CPEB3: variants seen among roughly 807,000 people sequenced by gnomAD.
CPEB3 encodes the protein cytoplasmic polyadenylation element binding protein 3.
In CPEB3, 20 loss-of-function variants were observed where a neutral mutation model predicts 67.2. The ratio of observed to expected loss-of-function variants is 0.30; its 90% CI spans 0.21 to 0.43. The LOEUF is 0.43. CPEB3 is among the 20% of genes least tolerant of loss of function. CPEB3 has a pLI of 1.00. For missense variants in CPEB3, 746 were observed against 968.6 expected (o/e 0.77, Z 3.05); for synonymous variants, 376 against 393.1 (o/e 0.96, Z 0.51).
In CPEB3 at chr10:92,267,306, AC is replaced by A. The variant is rs202130111; in HGVS notation, c.-12+23619del. 2.3e-3 allele frequency among the ~76,000 whole-genome samples: 349 copies of A among 152,236 alleles called. 1 individual carries two copies. Among genetic ancestry groups the A allele is most frequent in the East Asian group, 0.023 (118 of 5,186 alleles). Reference sequence around the variant, plus strand: ...TTTACAACCCTTTAAAAATATAAAAACCATTCTTAGTTTTGGCAGTATAAAA... The same window carrying A: ...TTTACAACCCTTTAAAAATATAAAAACATTCTTAGTTTTGGCAGTATAAAA... On this transcript the variant is annotated intron_variant, in intron 1 of 9. Coordinates refer to ENST00000265997, the MANE Select transcript of CPEB3 (RefSeq NM_014912.5).
At chr10:92,190,095 T>C (rs1157930454) in intron 3 of CPEB3, among the ~76,000 whole-genome samples, 2 of 151,830 alleles carry the variant, frequency 1.3e-5, no homozygotes, top group African/African-American at 2.4e-5. Flanking sequence ...CTGGCCAACA[T>C]GGTGACACCC....
chr10:92,133,709 C>CA (rs1193233072), intron 6 of CPEB3, among the ~76,000 whole-genome samples: 5 of 151,948 alleles, frequency 3.3e-5, no homozygotes, highest in Admixed American at 6.6e-5. Flanking sequence ...AGAGACACAA[C>CA]AAAAAAAGAG....
chr10:92,216,594 T>A, intron 2 of CPEB3: 1 of 1,610,526 alleles, frequency 6.2e-7, no homozygotes. Context: ...ACACTGCCCA[T>A]TGAGGTATAC....
At chr10:92,097,304 T>C (rs1328615366) in intron 7 of CPEB3, among the ~76,000 whole-genome samples, 1 of 152,226 alleles carries the variant, frequency 6.6e-6, no homozygotes. Context: ...GCGGACCAGA[T>C]CTATGCCATG....
chr10:92,204,020 G>T (rs1202967179), intron 2 of CPEB3, among the ~76,000 whole-genome samples: 1 of 152,068 alleles, frequency 6.6e-6, no homozygotes, highest in East Asian at 1.9e-4. Context: ...TGCTTCTGAT[G>T]AGTTGTTTTT....
In CPEB3 at chr10:92,239,847, C is replaced by T. The variant is rs373918938; in HGVS notation, c.504G>A (p.Pro168=). ...GTGCCGGCTGCGGCGCGGGCGCAGG[C>T]GGCGGCGGCTGCTGGTGGTGCTGGG... is the stretch of plus-strand genomic sequence containing the variant. ...AQTQHHQQPP[P]PAPAPQPAQP... is the part of the protein sequence containing the mutation. The change falls in exon 2 of 10, where the codon CCG becomes CCA. Residue 168 remains proline, a synonymous_variant. Coordinates refer to ENST00000265997, the MANE Select transcript of CPEB3 (RefSeq NM_014912.5). This position sits in a 1 kb window ranked among gnomAD's most constrained non-coding sequence, Gnocchi z 6.0. 58 of 1,504,902 alleles carry T rather than the reference C, an allele frequency of 3.9e-5. 2 individuals are homozygous for T. In the African/African-American group the frequency reaches 5.7e-4, roughly 15 times the overall value. 93.2% of individuals were successfully genotyped at this position (1,504,902 alleles called of 1,614,324 possible). A position where few individuals can be genotyped will look rare whatever the true frequency, so the allele number is the denominator to read the frequency against.
chr10:92,103,246 C>G (rs1213546196), intron 7 of CPEB3, among the ~76,000 whole-genome samples: 2 of 152,214 alleles, frequency 1.3e-5, no homozygotes, highest in African/African-American at 4.8e-5. Context: ...TCAGAATTAT[C>G]TAGTGTTCAT....
At chr10:92,266,409 G>A (rs566286191) in intron 1 of CPEB3, among the ~76,000 whole-genome samples, 3 of 152,176 alleles carry the variant, frequency 2.0e-5, no homozygotes, top group South Asian at 2.1e-4. Context: ...CAGTTTGCAC[G>A]GTTGGTCCTC....
chr10:92,229,585 C>A (rs552920568), intron 2 of CPEB3, among the ~76,000 whole-genome samples: 1 of 151,768 alleles, frequency 6.6e-6, no homozygotes, highest in African/African-American at 2.4e-5. Context: ...ACTCTGCTTA[C>A]TTCTTGGCAT....
rs1294501874 is a variant in CPEB3 at position 92,278,601 on chromosome 10, C to CTTTT, written c.-12+12321_-12+12324dup. Among the ~76,000 whole-genome samples the CTTTT allele has an allele frequency of 1.9e-3, 243 of 129,194 alleles. 1 individual carries two copies. The highest frequency in any genetic ancestry group is 6.7e-3 in the African/African-American group (232 of 34,490). The allele number at this position is 129,194 out of a possible 152,430, so 84.8% of individuals were successfully genotyped here. The stretch of plus-strand genomic sequence containing the variant: ...ACTTTGCTGAACTCATTGACTGGTT[C>CTTTT]TTTTTTTTTTTTTTTTTTGAGACAG... On this transcript the variant is annotated intron_variant, in intron 1 of 9. Coordinates refer to ENST00000265997, the MANE Select transcript of CPEB3 (RefSeq NM_014912.5).
intron 2 of CPEB3, among the ~76,000 whole-genome samples, chr10:92,220,667 A>C (rs1850654491): frequency 6.6e-6 from 1 of 152,112 alleles, no homozygotes; most frequent in African/African-American, 2.4e-5. Context: ...CATCATGCTG[A>C]AAAAGAGTTT....
intron 4 of CPEB3, among the ~76,000 whole-genome samples, chr10:92,173,423 C>T (rs1463963088): frequency 6.6e-6 from 1 of 152,022 alleles, no homozygotes; most frequent in African/African-American, 2.4e-5. Context: ...CAATATCAGG[C>T]CATGTAAACT....
At chr10:92,202,648 A>AT (rs1403848341) in intron 2 of CPEB3, among the ~76,000 whole-genome samples, 6 of 151,924 alleles carry the variant, frequency 3.9e-5, no homozygotes, top group Admixed American at 1.3e-4. Flanking sequence ...TTTCATTTAT[A>AT]TGTAAGGTCC....
intron 6 of CPEB3, among the ~76,000 whole-genome samples, chr10:92,129,317 C>A (rs1467433969): frequency 2.6e-5 from 4 of 152,044 alleles, no homozygotes; most frequent in South Asian, 4.2e-4. Flanking sequence ...AGGGGAACAA[C>A]AGACACAATA....
In CPEB3 at chr10:92,224,875, T is replaced by TTA. The variant is rs1388473023; in HGVS notation, c.1005+14469_1005+14470dup. 3.2e-3 allele frequency among the ~76,000 whole-genome samples: 467 copies of TTA among 147,520 alleles called. 1 individual carries two copies. The highest frequency in any genetic ancestry group is 5.5e-3 in the Non-Finnish European group (368 of 67,072). On this transcript the variant is annotated intron_variant, in intron 2 of 9. Transcript: ENST00000265997. ...TAAAAAAAACTATATATATATAACT[T>TTA]TATATATATATAAATTTAAAAATAT...
chr10:92,238,982 G>C (rs1260222220), intron 2 of CPEB3, among the ~76,000 whole-genome samples: 1 of 152,170 alleles, frequency 6.6e-6, no homozygotes, highest in Non-Finnish European at 1.5e-5. Context: ...TACTCAAAAT[G>C]ATAGGAATCT....
At chr10:92,268,216 C>T (rs766376648) in intron 1 of CPEB3, among the ~76,000 whole-genome samples, 12 of 152,164 alleles carry the variant, frequency 7.9e-5, no homozygotes, top group Non-Finnish European at 1.8e-4. Context: ...GAACTTTTGA[C>T]AGATATTTTT....
At chr10:92,081,554 T>C (rs1369671884) in intron 8 of CPEB3, 53 bp from the exon 9 acceptor site, 3 of 1,471,680 alleles carry the variant, frequency 2.0e-6, no homozygotes, top group South Asian at 1.2e-5. Flanking sequence ...GAGGTACTCT[T>C]GCCCAGGAGA....
chr10:92,173,678 C>T (rs1320155516), intron 4 of CPEB3, among the ~76,000 whole-genome samples: 1 of 152,152 alleles, frequency 6.6e-6, no homozygotes, highest in Non-Finnish European at 1.5e-5. Context: ...ATCACCCTGG[C>T]CAATTCTTAC....
Sources: gnomAD v4.1 joint callset for allele counts (sites outside exome capture counted in the v4.1 genomes callset) on GRCh38, gnomAD v4.1.1 for gene constraint, Gnocchi (gnomAD v3.1) non-coding constraint, MANE v1.5 for transcripts, NCBI Gene and HGNC (gene_info 2026-07-23, HGNC 2026-07-21) for gene names.